SUPT3H: variants seen among roughly 807,000 people sequenced by gnomAD.
The protein encoded by SUPT3H is transcription initiation protein SPT3 homolog.
In SUPT3H, 44 loss-of-function variants were observed where a neutral mutation model predicts 44.3. The ratio of observed to expected loss-of-function variants is 0.99; its 90% CI spans 0.78 to 1.28. The LOEUF (loss-of-function observed/expected upper bound fraction) is 1.28. Ranked by LOEUF, SUPT3H falls within the 50% of genes most tolerant of loss-of-function variation. SUPT3H has a pLI of 0.00. For missense variants in SUPT3H, 380 were observed against 387.1 expected (o/e 0.98, Z 0.15); for synonymous variants, 124 against 125.6 (o/e 0.99, Z 0.09).
chr6:44,941,436 C>G (rs1161626913), intron 9 of SUPT3H, among the ~76,000 whole-genome samples: 2 of 151,830 alleles, frequency 1.3e-5, no homozygotes, highest in Non-Finnish European at 2.9e-5. Context: ...TTTTTTTCTT[C>G]TTTCAGTACT....
chr6:44,889,579 A>C (rs946964548), intron 10 of SUPT3H, among the ~76,000 whole-genome samples: 1 of 152,232 alleles, frequency 6.6e-6, no homozygotes, highest in African/African-American at 2.4e-5. Flanking sequence ...CTGAAACTGG[A>C]TGCCTTCCTT....
At chr6:44,856,847 C>A (rs754965983) in intron 10 of SUPT3H, among the ~76,000 whole-genome samples, 1 of 152,154 alleles carries the variant, frequency 6.6e-6, no homozygotes, top group Non-Finnish European at 1.5e-5. Context: ...TAATGATGTG[C>A]TATGCTAATT....
chr6:44,901,023 C>T (rs1479212101), intron 10 of SUPT3H, among the ~76,000 whole-genome samples: 3 of 152,196 alleles, frequency 2.0e-5, no homozygotes, highest in Admixed American at 6.5e-5. Flanking sequence ...CCCATCTATA[C>T]GTGACCATCA....
intron 10 of SUPT3H, among the ~76,000 whole-genome samples, chr6:44,907,541 G>C (rs603778): frequency 0.02 from 3,098 of 152,212 alleles, 42 homozygotes; most frequent in Non-Finnish European, 0.032. Flanking sequence ...AACCAGGCAT[G>C]GTGGTACACA....
intron 10 of SUPT3H, among the ~76,000 whole-genome samples, chr6:44,928,521 C>T (rs1314814212): frequency 6.6e-6 from 1 of 151,968 alleles, no homozygotes; most frequent in Non-Finnish European, 1.5e-5. Flanking sequence ...TAATGAATAG[C>T]TTGACTTAGG....
At chr6:44,938,828 T>TTGTG (rs1771919776) in intron 9 of SUPT3H, among the ~76,000 whole-genome samples, 1 of 152,212 alleles carries the variant, frequency 6.6e-6, no homozygotes, top group African/African-American at 2.4e-5. Flanking sequence ...GTTATTTTCT[T>TTGTG]TGTAGTACTT....
downstream of SUPT3H, among the ~76,000 whole-genome samples, chr6:44,809,146 G>A (rs1279218240): frequency 6.6e-6 from 1 of 152,192 alleles, no homozygotes; most frequent in African/African-American, 2.4e-5. Flanking sequence ...AATCTCCTAA[G>A]GAAATCAAGT....
At chr6:45,264,094 C>A (rs182278550) in intron 2 of SUPT3H, among the ~76,000 whole-genome samples, 2 of 151,796 alleles carry the variant, frequency 1.3e-5, no homozygotes, top group African/African-American at 4.8e-5. Context: ...TGGTGGTACA[C>A]CAGAGAAGTA....
intron 2 of SUPT3H, among the ~76,000 whole-genome samples, chr6:45,284,774 T>G (rs1302549352): frequency 6.6e-6 from 1 of 152,106 alleles, no homozygotes; most frequent in Admixed American, 6.5e-5. Context: ...TACCAAAGAC[T>G]AGCAGAGACA....
chr6:45,183,926 G>A (rs988433513), intron 2 of SUPT3H, among the ~76,000 whole-genome samples: 1 of 152,208 alleles, frequency 6.6e-6, no homozygotes, highest in African/African-American at 2.4e-5. Flanking sequence ...GGTGGGGGAT[G>A]AGGAAGTGAA....
At chr6:45,014,733 A>G in intron 5 of SUPT3H, 68 bp downstream of exon 5, 1 of 1,122,918 alleles carries the variant, frequency 8.9e-7, no homozygotes, top group South Asian at 1.9e-5. Context: ...TTGGAATTGC[A>G]TAAATGTGTT....
At chr6:44,857,439 C>T (rs1160328268) in intron 10 of SUPT3H, among the ~76,000 whole-genome samples, 1 of 152,050 alleles carries the variant, frequency 6.6e-6, no homozygotes, top group Non-Finnish European at 1.5e-5. Flanking sequence ...TTACTTTGCT[C>T]TATTAAAAAA....
chr6:45,297,177 T>C (rs1021311325), intron 2 of SUPT3H, among the ~76,000 whole-genome samples: 17 of 152,048 alleles, frequency 1.1e-4, no homozygotes, highest in South Asian at 6.2e-4. Flanking sequence ...AACTCAACCA[T>C]TATACAAGAA....
intron 2 of SUPT3H, among the ~76,000 whole-genome samples, chr6:45,329,553 C>T (rs1787034894): frequency 6.6e-6 from 1 of 151,888 alleles, no homozygotes; most frequent in African/African-American, 2.4e-5. Flanking sequence ...TTGTTATAAA[C>T]ACACTGAAAC....
intron 1 of SUPT3H, among the ~76,000 whole-genome samples, chr6:45,372,498 T>C (rs942658237): frequency 5.9e-5 from 9 of 152,222 alleles, no homozygotes; most frequent in Admixed American, 2.6e-4. Context: ...AAAACCACTA[T>C]AGCATTTAAA....
chr6:45,189,105 T>G (rs1317937667), intron 2 of SUPT3H, among the ~76,000 whole-genome samples: 1 of 152,132 alleles, frequency 6.6e-6, no homozygotes, highest in African/African-American at 2.4e-5. Context: ...TCCGACCCAC[T>G]GGCCATTTCT....
intron 2 of SUPT3H, among the ~76,000 whole-genome samples, chr6:45,199,052 A>G (rs1816562204): frequency 1.3e-5 from 2 of 151,388 alleles, no homozygotes; most frequent in South Asian, 2.1e-4. Flanking sequence ...ACTAGTGCTT[A>G]TAAGGGCTGT....
chr6:45,322,875 T>C (rs1432372837), intron 2 of SUPT3H: 18 of 1,611,718 alleles, frequency 1.1e-5, no homozygotes, highest in Admixed American at 1.7e-5. Flanking sequence ...AGCCTCTGTC[T>C]CACCTGTCAA....
intron 2 of SUPT3H, among the ~76,000 whole-genome samples, chr6:45,111,770 C>T (rs76336643): frequency 0.013 from 1,971 of 152,122 alleles, 17 homozygotes; most frequent in Non-Finnish European, 0.02. Flanking sequence ...AGGTGCCCAG[C>T]TGACATCTCA....
Sources: allele counts gnomAD v4.1 joint callset (sites outside exome capture counted in the v4.1 genomes callset), GRCh38; gene constraint gnomAD v4.1.1; transcripts MANE v1.5; gene names NCBI Gene and HGNC (gene_info 2026-07-23, HGNC 2026-07-21).